SYCE1: variants seen among roughly 807,000 people sequenced by gnomAD.
The protein encoded by SYCE1 is cancer/testis antigen 76.
Under a neutral mutation model 55.1 loss-of-function variants are expected in SYCE1, and 37 were observed. That is an observed-to-expected ratio of 0.67 (90% CI 0.52 to 0.88). The LOEUF (loss-of-function observed/expected upper bound fraction) is 0.88. SYCE1 is among the 40% of genes least tolerant of loss of function. SYCE1 has a pLI of 0.00. For missense variants in SYCE1, 399 were observed against 416.4 expected (o/e 0.96, Z 0.36); for synonymous variants, 163 against 159.4 (o/e 1.02, Z -0.17).
chr10:133,555,175 T>A (rs1391915026), intron 12 of SYCE1, 46 bp from the exon 13 acceptor site: 2 of 1,532,186 alleles, frequency 1.3e-6, no homozygotes. Flanking sequence ...CCCATCCCCA[T>A]GGCCACATGG....
chr10:133,562,582 A>C (rs1421016189), intron 1 of SYCE1, among the ~76,000 whole-genome samples: 1 of 152,166 alleles, frequency 6.6e-6, no homozygotes, highest in African/African-American at 2.4e-5. Flanking sequence ...GAGTGTAAAC[A>C]CACAAGTTCA....
chr10:133,558,152 G>A lies in SYCE1; in HGVS notation c.319+15C>T, dbSNP rs764666015. 11 of 1,614,000 alleles carry A rather than the reference G, an allele frequency of 6.8e-6. No individual in the cohort carries two copies. The highest frequency in any genetic ancestry group is 9.3e-6 in the Non-Finnish European group (11 of 1,179,990). ...GGCAAAGGCACAAGCCTGGAGACAG[G>A]GGAGCGGCAAATACCTTGTTTTTTG... is the stretch of plus-strand genomic sequence containing the variant. On this transcript the variant is annotated intron_variant, in intron 5 of 12. Coordinates refer to ENST00000343131, the MANE Select transcript of SYCE1 (RefSeq NM_001143764.3).
rs1435812901 is a variant in SYCE1 at position 133,557,839 on chromosome 10, G to A, written c.374+25C>T. 3.1e-6 allele frequency: 5 copies of A among 1,613,620 alleles called. No individual in the cohort carries two copies. The African/African-American group carries it at 5.3e-5, about 17-fold the overall frequency. Reference sequence around the variant, plus strand: ...TACCAGAATAAAGAGGTAGTGCAGAGTTAGGCTCAGCTGGAAGCTCTTACC... The same window carrying A: ...TACCAGAATAAAGAGGTAGTGCAGAATTAGGCTCAGCTGGAAGCTCTTACC... On this transcript the variant is annotated intron_variant, in intron 6 of 12. Transcript: ENST00000343131.
upstream of SYCE1, chr10:133,565,616 C>A: frequency 7.3e-7 from 1 of 1,378,258 alleles, no homozygotes. Context: ...GGACTCCAGG[C>A]AGCGCGCCTG....
chr10:133,555,391 G>T lies in SYCE1; in HGVS notation c.878C>A (p.Ala293Asp), dbSNP rs749142928. The T allele has an allele frequency of 4.3e-6, 7 of 1,614,082 alleles. No individual in the cohort carries two copies. The highest frequency in any genetic ancestry group is 5.9e-6 in the Non-Finnish European group (7 of 1,180,006). ...AGCCTCTTCCTCTTGTGTGCTCTGG[G>T]CTTGGGCAGGGACTTGCATTCCATG... ...EKHGMQVPAQ[A>D]QSTQEEEAGP... The change falls in exon 12 of 13, where the codon GCC becomes GAC. Residue 293 changes from alanine to aspartate, a missense_variant. Coordinates refer to ENST00000343131, the MANE Select transcript of SYCE1 (RefSeq NM_001143764.3).
intron 1 of SYCE1, 41 bp downstream of exon 1, chr10:133,565,416 G>A: frequency 6.7e-7 from 1 of 1,497,852 alleles, no homozygotes; most frequent in Non-Finnish European, 8.9e-7. Flanking sequence ...GCCTCGGCGA[G>A]GTCAGACCCT....
At chr10:133,555,289 G>T in intron 12 of SYCE1, 62 bp downstream of exon 12, 1 of 1,602,528 alleles carries the variant, frequency 6.2e-7, no homozygotes, top group Non-Finnish European at 8.5e-7. Context: ...TTGTCCTCCC[G>T]CCCCTTCCGC....
chr10:133,559,674 G>C (rs1483973739), intron 2 of SYCE1: 1 of 433,036 alleles, frequency 2.3e-6, no homozygotes, highest in African/African-American at 2.0e-5. Flanking sequence ...AGTGGTGGGG[G>C]GCAGGCCCTG....
Position 133,557,166 on chromosome 10 carries a change from G to A in SYCE1, c.375-10C>T, listed in dbSNP as rs1206965290. On this transcript the variant is annotated splice_polypyrimidine_tract_variant and intron_variant, in intron 6 of 12. Coordinates refer to ENST00000343131, the MANE Select transcript of SYCE1 (RefSeq NM_001143764.3). ...CAACATGGTGTGCTTCCTGGGAGAG[G>A]CGAGGCAGCCCTCAGCCATGTTCTC... is the stretch of plus-strand genomic sequence containing the variant. 2 of 1,612,542 alleles carry A rather than the reference G, an allele frequency of 1.2e-6. No individual in the cohort carries two copies. The highest frequency in any genetic ancestry group is 2.2e-5 in the East Asian group (1 of 44,888).
chr10:133,565,463 C>T lies in SYCE1; in HGVS notation c.67G>A (p.Ala23Thr), dbSNP rs1049850126. The T allele has an allele frequency of 1.2e-5, 18 of 1,548,726 alleles. No individual in the cohort carries two copies. Among genetic ancestry groups the T allele is most frequent in the Non-Finnish European group, 1.5e-5 (17 of 1,146,128 alleles). ...TAGAVDRAEK[A>T]GGQDTSSQKI... ...CCCTGCCTCCCACCACTACCTCCGG[C>T]CTTCTCAGCCCTGTCCACGGCTCCT... Residue 23 changes from alanine (A) to threonine (T), a missense_variant, in exon 1 of 13, where the codon GCC becomes ACC. By Grantham distance (58) the Ala-to-Thr change is moderately conservative (BLOSUM62 0). Transcript: ENST00000343131.
chr10:133,568,275 C>T (rs982339666), upstream of SYCE1: 6 of 1,419,030 alleles, frequency 4.2e-6, no homozygotes, highest in African/African-American at 8.3e-5. Flanking sequence ...GTCCCGCGGC[C>T]CTTCTCCAGC....
upstream of SYCE1, among the ~76,000 whole-genome samples, chr10:133,566,965 G>T (rs1434129721): frequency 6.6e-6 from 1 of 151,688 alleles, no homozygotes; most frequent in Admixed American, 6.6e-5. Context: ...TTTGGGGTGG[G>T]GTAGTGGTAG....
rs368700465 is a variant in SYCE1 at position 133,559,362 on chromosome 10, T to C, written c.137-2A>G. ...CAACTCGGGGCTCTAGGCTTCCCAC[T>C]GCACGGAGGAAAGGAGGTTGAGTTG... is the stretch of plus-strand genomic sequence containing the variant. On this transcript the variant is annotated splice_acceptor_variant, in intron 2 of 12. Transcript: ENST00000343131. LOFTEE classifies it high-confidence loss of function. 8.4e-5 allele frequency: 136 copies of C among 1,613,960 alleles called. No homozygotes were observed. The highest frequency in any genetic ancestry group is 1.1e-4 in the Non-Finnish European group (135 of 1,179,990).
chr10:133,554,432 A>G, downstream of SYCE1: 3 of 1,036,962 alleles, frequency 2.9e-6, no homozygotes, highest in African/African-American at 1.6e-5. Context: ...AACGCATTTC[A>G]GTGAATTTGA....
At chr10:133,564,169 G>A (rs916601983) in intron 1 of SYCE1, among the ~76,000 whole-genome samples, 6 of 152,082 alleles carry the variant, frequency 3.9e-5, no homozygotes, top group African/African-American at 1.4e-4. Context: ...CATGAGAGTA[G>A]GGCCCTCAGC....
intron 3 of SYCE1, 127 bp from the exon 4 acceptor site, chr10:133,559,078 T>C: frequency 9.3e-7 from 1 of 1,076,222 alleles, no homozygotes. Context: ...AAACGAGGCT[T>C]CCAGCTCTCC....
At chr10:133,559,181 G>T in intron 3 of SYCE1, 120 bp downstream of exon 3, 1 of 1,125,546 alleles carries the variant, frequency 8.9e-7, no homozygotes, top group Non-Finnish European at 1.3e-6. Flanking sequence ...TTAAGGCTCT[G>T]CTGTTGCTGT....
chr10:133,558,145 G>T (rs759048457), intron 5 of SYCE1, 22 bp downstream of exon 5: 4 of 1,614,126 alleles, frequency 2.5e-6, no homozygotes, highest in African/African-American at 1.3e-5. Context: ...CACAAGCCTG[G>T]AGACAGGGGA....
At chr10:133,565,419 C>T in intron 1 of SYCE1, 38 bp downstream of exon 1, 1 of 1,503,268 alleles carries the variant, frequency 6.7e-7, no homozygotes, top group Non-Finnish European at 8.9e-7. Context: ...TCGGCGAGGT[C>T]AGACCCTCAC....
Sources: allele counts gnomAD v4.1 joint callset (sites outside exome capture counted in the v4.1 genomes callset), GRCh38; gene constraint gnomAD v4.1.1; transcripts MANE v1.5; gene names NCBI Gene and HGNC (gene_info 2026-07-23, HGNC 2026-07-21).